The following CLIC2 variants were observed in gnomAD, a reference collection of about 807,000 sequenced individuals.
The protein encoded by CLIC2 is CLIC family member 2.
In CLIC2, 9 loss-of-function variants were observed where a neutral mutation model predicts 14.8. The observed-to-expected ratio is 0.61, with a 90% CI of 0.37 to 1.06. The LOEUF is 1.06. Among genes scored for constraint, CLIC2 ranks in the 50% least tolerant of loss-of-function variants. The pLI is 0.01. For missense variants in CLIC2, 148 were observed against 181.4 expected (o/e 0.82, Z 1.06); for synonymous variants, 61 against 66.3 (o/e 0.92, Z 0.39).
Position 155,334,398 on chromosome X carries a change from C to T in CLIC2, c.30G>A (p.Val10=), listed in dbSNP as rs782748278. 3.3e-6 allele frequency: 4 copies of T among 1,209,446 alleles called. No individual in the cohort carries two copies. The highest frequency in any genetic ancestry group is 3.0e-5 in the East Asian group (1 of 33,810). The stretch of plus-strand genomic sequence containing the variant: ...TTACAAAAAGCTCAATCTCAGGGTC[C>T]ACTTGAGTGCCGGGCCGCAGGCCTG... MSGLRPGTQ[V]DPEIELFVKA... Residue 10 remains valine (V), a synonymous_variant, in exon 1 of 6, where the codon GTG becomes GTA. Coordinates refer to ENST00000369449, the MANE Select transcript of CLIC2 (RefSeq NM_001289.6).
intron 3 of CLIC2, among the ~76,000 whole-genome samples, chrX:155,296,309 T>A (rs2074991803): frequency 8.9e-6 from 1 of 112,039 alleles, no homozygotes; most frequent in African/African-American, 3.2e-5. Flanking sequence ...GACAGCCATA[T>A]GCAGAAGAAT....
chrX:155,327,961 C>G (rs1235786310), intron 1 of CLIC2, among the ~76,000 whole-genome samples: 7 of 110,792 alleles, frequency 6.3e-5, no homozygotes, highest in African/African-American at 2.0e-4. Context: ...ATTAAACATC[C>G]CTTTATGACA....
At position 155,334,482 on chromosome X, in the gene CLIC2, T is replaced by C. The variant is rs2075167581; in HGVS notation, c.-55A>G. 3 of 969,556 alleles carry C rather than the reference T, an allele frequency of 3.1e-6. No homozygotes were observed. The South Asian group carries it at 5.8e-5, about 19-fold the overall frequency. The allele number at this position is 969,556 out of a possible 1,213,427, so 79.9% of individuals were successfully genotyped here. ...CTGCCTCCTGTAGAGTCCACAATAC[T>C]TGTAGACTCTTTTCTCAATTTTATC... is the stretch of plus-strand genomic sequence containing the variant. On this transcript the variant is annotated 5_prime_UTR_variant, in exon 1 of 6. Coordinates refer to ENST00000369449, the MANE Select transcript of CLIC2 (RefSeq NM_001289.6).
chrX:155,276,285 G>A lies in CLIC2; in HGVS notation c.*1618C>T, dbSNP rs782429972. The A allele has an allele frequency of 8.9e-6, 1 of 111,900 alleles. No homozygotes were observed. Among genetic ancestry groups the A allele is most frequent in the African/African-American group, 3.2e-5 (1 of 30,929 alleles). The allele number at this position is 111,900 out of a possible 1,213,427, so 9.2% of individuals were successfully genotyped here. On this transcript the variant is annotated 3_prime_UTR_variant, in exon 6 of 6. Transcript: ENST00000369449. ...GTACATATATATGGGATACAATGTG[G>A]TGTTTCAATGCATGTACACACAGTA...
intron 3 of CLIC2, among the ~76,000 whole-genome samples, chrX:155,287,522 T>C (rs1032733643): frequency 3.6e-5 from 4 of 110,669 alleles, no homozygotes; most frequent in East Asian, 2.8e-4. Flanking sequence ...TTAGTAGAGA[T>C]GGGGTTTCAC....
chrX:155,320,977 A>C (rs1557321549), intron 1 of CLIC2, among the ~76,000 whole-genome samples: 1 of 111,901 alleles, frequency 8.9e-6, no homozygotes, highest in East Asian at 2.8e-4. Context: ...GTTGAAGATC[A>C]ACTTAATGAA....
intron 1 of CLIC2, among the ~76,000 whole-genome samples, chrX:155,315,586 CA>C (rs1353465370): frequency 9.0e-6 from 1 of 111,161 alleles, no homozygotes; most frequent in Non-Finnish European, 1.9e-5. Flanking sequence ...ACCAAGCTGG[CA>C]ATACAAGAAC....
At chrX:155,327,044 T>C (rs2075141083) in intron 1 of CLIC2, among the ~76,000 whole-genome samples, 1 of 111,198 alleles carries the variant, frequency 9.0e-6, no homozygotes, top group Non-Finnish European at 1.9e-5. Context: ...TATCATACTA[T>C]AGTTTTACAA....
intron 1 of CLIC2, among the ~76,000 whole-genome samples, chrX:155,310,921 G>C (rs1222711287): frequency 1.7e-4 from 19 of 112,347 alleles, no homozygotes; most frequent in Non-Finnish European, 1.9e-5. Context: ...GCTATACTTT[G>C]GCCGCTTCTA....
chrX:155,327,633 G>A (rs2075143151), intron 1 of CLIC2, among the ~76,000 whole-genome samples: 1 of 110,477 alleles, frequency 9.1e-6, no homozygotes, highest in Non-Finnish European at 1.9e-5. Context: ...GCAGCTAAAA[G>A]ATGAGAATAC....
At chrX:155,300,043 G>A (rs2075010188) in intron 1 of CLIC2, among the ~76,000 whole-genome samples, 2 of 109,110 alleles carry the variant, frequency 1.8e-5, no homozygotes, top group Non-Finnish European at 3.8e-5. Flanking sequence ...ACATACGTGT[G>A]CATGTGTCTT....
rs1293232801 is a variant in CLIC2, at chrX:155,276,711, A to G, written c.*1192T>C. ...TTTCAAATGTATTCTATCAATTGTA[A>G]CTTGCTAGTGCATTGCATGTATTCT... On this transcript the variant is annotated 3_prime_UTR_variant, in exon 6 of 6. Transcript: ENST00000369449. The G allele has an allele frequency of 8.9e-6, 1 of 112,126 alleles. No homozygotes were observed. The highest frequency in any genetic ancestry group is 1.9e-5 in the Non-Finnish European group (1 of 53,124). 9.2% of individuals were successfully genotyped at this position (112,126 alleles called of 1,213,427 possible).
At position 155,288,427 on chromosome X, in the gene CLIC2, T is replaced by C. The variant is rs781869535; in HGVS notation, c.294-8359A>G. ...TCTATATTCTGGAATGTCCATTTAC[T>C]TTAATGTAGTGTAGTGGAATTTAGA... is the stretch of plus-strand genomic sequence containing the variant. On this transcript the variant is annotated intron_variant, in intron 3 of 5. Transcript: ENST00000369449. Among the ~76,000 whole-genome samples the C allele has an allele frequency of 3.6e-5, 4 of 112,104 alleles. No homozygotes were observed. In the South Asian group the frequency reaches 1.5e-3, roughly 42 times the overall value.
At position 155,298,858 on chromosome X, in the gene CLIC2, C is replaced by T. The variant is rs201668560; in HGVS notation, c.220G>A (p.Val74Met). ...TCTGTTTTCAACTCCTTGTTATACA[C>T]CAGGAACGGAGGATTGGTACCTGGG... ...LAPGTNPPFL[V>M]YNKELKTDFI... The change falls in exon 3 of 6, where the codon GTG (valine) becomes ATG (methionine). Residue 74 changes from valine to methionine, a missense_variant. Physicochemically the swap from Val to Met is conservative, Grantham distance 21. Transcript: ENST00000369449. 4.1e-5 allele frequency: 49 copies of T among 1,206,758 alleles called. No homozygotes were observed. The East Asian group carries it at 1.4e-3, about 35-fold the overall frequency.
At chrX:155,278,091 A>G (rs781801184) in intron 5 of CLIC2, 27 bp from the exon 6 acceptor site, 2 of 1,181,882 alleles carry the variant, frequency 1.7e-6, no homozygotes, top group East Asian at 5.9e-5. Context: ...AAAAGAGGAA[A>G]AAGAAGGCAT....
intron 4 of CLIC2, 124 bp from the exon 5 acceptor site, chrX:155,279,454 A>G (rs1463173618): frequency 6.8e-5 from 34 of 503,170 alleles, no homozygotes; most frequent in Non-Finnish European, 1.2e-4. Flanking sequence ...TGGCTCTTCA[A>G]TATCTAGTTA....
Position 155,284,417 on chromosome X carries a change from G to A in CLIC2, c.294-4349C>T, listed in dbSNP as rs1385978190. On this transcript the variant is annotated intron_variant, in intron 3 of 5. Coordinates refer to ENST00000369449, the MANE Select transcript of CLIC2 (RefSeq NM_001289.6). ...TGGGATTACAGGCATGCACCACCAC[G>A]CCTGGCTAATTTTGTGTTTTTAGTA... Among the ~76,000 whole-genome samples the A allele has an allele frequency of 3.7e-5, 4 of 109,390 alleles. No homozygotes were observed. The Admixed American group carries it at 3.9e-4, about 11-fold the overall frequency. The allele number at this position is 109,390 out of a possible 115,157, so 95.0% of individuals were successfully genotyped here. A position where few individuals can be genotyped will look rare whatever the true frequency, so the allele number is the denominator to read the frequency against.
At chrX:155,288,401 A>G (rs1194431681) in intron 3 of CLIC2, among the ~76,000 whole-genome samples, 1 of 112,190 alleles carries the variant, frequency 8.9e-6, no homozygotes, top group Non-Finnish European at 1.9e-5. Flanking sequence ...CTATAATCAC[A>G]TCTATATTCT....
intron 3 of CLIC2, among the ~76,000 whole-genome samples, chrX:155,297,884 A>G (rs1298976838): frequency 0.027 from 1,215 of 45,050 alleles, 185 homozygotes; most frequent in East Asian, 0.048. Context: ...AAAAAAAAAA[A>G]AAGAAGGTGA....
Sources: gnomAD v4.1 joint callset for allele counts (sites outside exome capture counted in the v4.1 genomes callset) on GRCh38, gnomAD v4.1.1 for gene constraint, MANE v1.5 for transcripts, NCBI Gene and HGNC (gene_info 2026-07-23, HGNC 2026-07-21) for gene names.